Variants in TSHZ2 observed in about 807,000 individuals in gnomAD.
The protein encoded by TSHZ2 is teashirt zinc finger homeobox 2, also known as teashirt homolog 2.
Under a neutral mutation model 74.4 loss-of-function variants are expected in TSHZ2, and 21 were observed. The ratio of observed to expected loss-of-function variants is 0.28; its 90% CI spans 0.20 to 0.41. The LOEUF is 0.41. Ranked by LOEUF, TSHZ2 falls within the 10% of genes least tolerant of loss-of-function variation. The pLI, the probability that TSHZ2 is intolerant of heterozygous loss-of-function variation, is 1.00. For synonymous variants in TSHZ2, 540 were observed against 515.3 expected (o/e 1.05, Z -0.65); for missense variants, 1,244 against 1,293.5 (o/e 0.96, Z 0.59).
At chr20:53,402,430 G>A (rs563456903) in intron 2 of TSHZ2, among the ~76,000 whole-genome samples, 47 of 152,300 alleles carry the variant, frequency 3.1e-4, no homozygotes, top group African/African-American at 1.1e-3. Context: ...TGTAGCCTAG[G>A]AGCCACAGGA....
At chr20:53,345,959 C>T (rs905327440) in intron 2 of TSHZ2, among the ~76,000 whole-genome samples, 4 of 152,150 alleles carry the variant, frequency 2.6e-5, no homozygotes, top group African/African-American at 9.7e-5. Context: ...CCGACCCACT[C>T]CGAGGACAGG....
intron 1 of TSHZ2, among the ~76,000 whole-genome samples, chr20:53,214,713 C>T (rs1989394291): frequency 6.6e-6 from 1 of 151,916 alleles, no homozygotes; most frequent in Non-Finnish European, 1.5e-5. Flanking sequence ...GCAAGACTGT[C>T]TCAAAATGAA....
At chr20:53,238,440 A>G (rs1989987870) in intron 1 of TSHZ2, among the ~76,000 whole-genome samples, 1 of 152,130 alleles carries the variant, frequency 6.6e-6, no homozygotes, top group Admixed American at 6.6e-5. Flanking sequence ...GCCCATTTCC[A>G]CCTTTGAGTC....
chr20:53,301,160 G>A (rs865892404), intron 2 of TSHZ2, among the ~76,000 whole-genome samples: 29 of 151,962 alleles, frequency 1.9e-4, no homozygotes, highest in Admixed American at 3.9e-4. Context: ...GTTTCACCAT[G>A]TTGGCCAGGC....
rs1980156726 is a variant in TSHZ2 at position 53,340,541 on chromosome 20, C to A, written c.*8+83970C>A. ...GCACAATGTGCAATGAGCCCTATAT[C>A]ATCATCCTTTCAAAATATTCTACAC... On this transcript the variant is annotated intron_variant, in intron 2 of 2. Coordinates refer to ENST00000371497, the MANE Select transcript of TSHZ2 (RefSeq NM_173485.6). Among the ~76,000 whole-genome samples, 3 of 152,254 alleles carry A rather than the reference C, an allele frequency of 2.0e-5. No homozygotes were observed. The South Asian group carries it at 6.2e-4, about 32-fold the overall frequency.
At chr20:53,225,111 G>A (rs757464865) in intron 1 of TSHZ2, among the ~76,000 whole-genome samples, 1 of 152,212 alleles carries the variant, frequency 6.6e-6, no homozygotes, top group Non-Finnish European at 1.5e-5. Context: ...GTTCCAATAA[G>A]ATTTTATTAG....
intron 1 of TSHZ2, among the ~76,000 whole-genome samples, chr20:52,978,559 T>C (rs914025730): frequency 1.3e-5 from 2 of 152,222 alleles, no homozygotes; most frequent in African/African-American, 4.8e-5. Flanking sequence ...AGACCAGGCA[T>C]ACACGGAGTA....
At chr20:53,408,340 G>A (rs1982923137) in intron 2 of TSHZ2, among the ~76,000 whole-genome samples, 1 of 152,282 alleles carries the variant, frequency 6.6e-6, no homozygotes, top group South Asian at 2.1e-4. Flanking sequence ...AAGCAACCCA[G>A]GAACATATGA....
At chr20:53,103,592 A>G (rs1287137618) in intron 1 of TSHZ2, among the ~76,000 whole-genome samples, 2 of 152,354 alleles carry the variant, frequency 1.3e-5, no homozygotes, top group Middle Eastern at 3.4e-3. Flanking sequence ...TCAGTTACCA[A>G]CATTTTTAAT....
At chr20:53,462,086 A>T (rs1985392612) in intron 2 of TSHZ2, among the ~76,000 whole-genome samples, 1 of 151,886 alleles carries the variant, frequency 6.6e-6, no homozygotes, top group East Asian at 1.9e-4. Flanking sequence ...ACAAAAAAAA[A>T]AGAAAAAAAG....
At chr20:53,275,535 G>A (rs1990925905) in intron 2 of TSHZ2, among the ~76,000 whole-genome samples, 1 of 152,110 alleles carries the variant, frequency 6.6e-6, no homozygotes, top group Non-Finnish European at 1.5e-5. Flanking sequence ...AAGGCTGCAG[G>A]TCGATGAGCA....
At chr20:53,238,129 G>A (rs1393285771) in intron 1 of TSHZ2, among the ~76,000 whole-genome samples, 1 of 152,054 alleles carries the variant, frequency 6.6e-6, no homozygotes, top group Non-Finnish European at 1.5e-5. Context: ...TTAATCCCAA[G>A]CAATGTACCA....
intron 1 of TSHZ2, among the ~76,000 whole-genome samples, chr20:53,110,301 C>T (rs1192310781): frequency 6.6e-6 from 1 of 152,056 alleles, no homozygotes; most frequent in East Asian, 1.9e-4. Flanking sequence ...TTCAGCCCAC[C>T]GTGACCCTCA....
chr20:53,316,591 CAA>C (rs397936955), intron 2 of TSHZ2, among the ~76,000 whole-genome samples: 4 of 139,462 alleles, frequency 2.9e-5, no homozygotes, highest in African/African-American at 8.0e-5. Flanking sequence ...TTAAAAATGA[CAA>C]AAAAAAAAAA....
intron 2 of TSHZ2, among the ~76,000 whole-genome samples, chr20:53,479,662 CAG>C (rs1986092127): frequency 6.6e-6 from 1 of 152,148 alleles, no homozygotes; most frequent in Admixed American, 6.6e-5. Flanking sequence ...ATATGTAAAA[CAG>C]AGTTAAGTTC....
chr20:53,034,693 G>T (rs1983756928), intron 1 of TSHZ2, among the ~76,000 whole-genome samples: 1 of 152,226 alleles, frequency 6.6e-6, no homozygotes, highest in Non-Finnish European at 1.5e-5. Context: ...GAGGGCGAGG[G>T]CTTCCAGGTT....
intron 1 of TSHZ2, among the ~76,000 whole-genome samples, chr20:53,126,841 A>G (rs1036010406): frequency 6.6e-6 from 1 of 152,188 alleles, no homozygotes. Flanking sequence ...ACTGTTGTAG[A>G]TAGTGGAGGC....
intron 1 of TSHZ2, among the ~76,000 whole-genome samples, chr20:52,997,557 C>G (rs967141478): frequency 1.3e-5 from 2 of 149,490 alleles, no homozygotes; most frequent in Admixed American, 1.3e-4. Flanking sequence ...TTCTTTTCAG[C>G]AAACCTAACC....
chr20:53,004,684 A>C (rs1016754702), intron 1 of TSHZ2, among the ~76,000 whole-genome samples: 4 of 152,190 alleles, frequency 2.6e-5, no homozygotes, highest in African/African-American at 9.6e-5. Flanking sequence ...CACAAAAGAA[A>C]TGTGTGGGCG....
Sources: allele counts gnomAD v4.1 joint callset (sites outside exome capture counted in the v4.1 genomes callset), GRCh38; gene constraint gnomAD v4.1.1; transcripts MANE v1.5; gene names NCBI Gene and HGNC (gene_info 2026-07-23, HGNC 2026-07-21).